The following CHM variants were observed in gnomAD, a reference collection of about 807,000 sequenced individuals.
CHM encodes the protein rab proteins geranylgeranyltransferase component A 1.
CHM carries 10 observed loss-of-function variants against 49.0 expected under a neutral mutation model. That is an observed-to-expected ratio of 0.20 (90% CI 0.13 to 0.35). The LOEUF is 0.35. CHM is among the 10% of genes least tolerant of loss of function. The probability of loss-of-function intolerance (pLI) is 1.00; values close to 1 mark genes in which losing one functional copy is unlikely to be tolerated. For synonymous variants in CHM, 184 were observed against 167.5 expected (o/e 1.10, Z -0.76); for missense variants, 455 against 478.4 (o/e 0.95, Z 0.46).
At chrX:85,981,945 A>T (rs1240816607) in intron 2 of CHM, 136 bp from the exon 3 acceptor site, 1 of 523,574 alleles carries the variant, frequency 1.9e-6, no homozygotes, top group African/African-American at 2.4e-5. Flanking sequence ...GTTCAAAAGT[A>T]CACATAATTG....
intron 3 of CHM, 86 bp downstream of exon 3, chrX:85,981,651 T>C (rs1032955176): frequency 1.6e-6 from 1 of 637,780 alleles, no homozygotes; most frequent in African/African-American, 2.3e-5. Flanking sequence ...GTGTTACAGG[T>C]GAAGCTTAGG....
intron 8 of CHM, among the ~76,000 whole-genome samples, chrX:85,941,613 A>G (rs748777717): frequency 1.4e-4 from 16 of 111,802 alleles, no homozygotes; most frequent in African/African-American, 3.9e-4. Context: ...AAGTTGGAAA[A>G]ACCTGCCACC....
intron 12 of CHM, among the ~76,000 whole-genome samples, chrX:85,881,389 G>T (rs1924749413): frequency 8.9e-6 from 1 of 112,267 alleles, no homozygotes; most frequent in Non-Finnish European, 1.9e-5. Flanking sequence ...AGAATATCTA[G>T]AGTTGACTGT....
intron 4 of CHM, among the ~76,000 whole-genome samples, chrX:85,976,494 C>T (rs959226099): frequency 9.1e-5 from 10 of 110,098 alleles, no homozygotes; most frequent in African/African-American, 3.0e-4. Flanking sequence ...TGGTGGCAGG[C>T]GCCTGCAGTC....
At chrX:85,911,164 T>TGTGTATATATATATATATATGA in intron 9 of CHM, 97 bp downstream of exon 9, 12 of 3,703 alleles carry the variant, frequency 3.2e-3, no homozygotes, top group Admixed American at 7.0e-3. Context: ...TATATATATG[T>TGTGTATATATATATATATATGA]ATATATATAT....
At position 85,990,386 on chromosome X, in the gene CHM, C is replaced by T. The variant is rs148982232; in HGVS notation, c.117-8577G>A. ...CAGAAAATATAACTTTTGGATACTG[C>T]GCTTAATACCTGGTTGCTGAGATAA... On this transcript the variant is annotated intron_variant, in intron 2 of 14. Transcript: ENST00000357749. 3.7e-3 allele frequency among the ~76,000 whole-genome samples: 410 copies of T among 111,467 alleles called. 2 individuals are homozygous for T. Among genetic ancestry groups the T allele is most frequent in the Non-Finnish European group, 5.9e-3 (314 of 52,944 alleles).
At chrX:85,921,030 C>T (rs1927763902) in intron 8 of CHM, among the ~76,000 whole-genome samples, 1 of 112,077 alleles carries the variant, frequency 8.9e-6, no homozygotes, top group Non-Finnish European at 1.9e-5. Flanking sequence ...AGTGCAAAAA[C>T]TCAAAGTATA....
At chrX:85,970,806 T>G (rs1410601601) in intron 4 of CHM, 2 of 305,500 alleles carry the variant, frequency 6.5e-6, no homozygotes, top group Admixed American at 9.2e-5. Flanking sequence ...GTCCAAAATA[T>G]TAAGTAGCCC....
intron 1 of CHM, among the ~76,000 whole-genome samples, chrX:86,030,685 A>G (rs1039622064): frequency 9.0e-6 from 1 of 111,187 alleles, no homozygotes; most frequent in Non-Finnish European, 1.9e-5. Flanking sequence ...CTCCCTCTGT[A>G]GAGGGAGTCA....
intron 8 of CHM, among the ~76,000 whole-genome samples, chrX:85,934,279 CTTTTTTTTT>C (rs769967072): frequency 1.4e-5 from 1 of 71,276 alleles, no homozygotes; most frequent in African/African-American, 5.6e-5. Flanking sequence ...TGCGCTCAGC[CTTTTTTTTT>C]TTTTTTTTTT....
Position 85,878,959 on chromosome X carries a change from T to A in CHM, c.1609+6A>T. 1 of 1,113,285 alleles carries A rather than the reference T, an allele frequency of 9.0e-7. No homozygotes were observed. The highest frequency in any genetic ancestry group is 1.2e-6 in the Non-Finnish European group (1 of 808,477). 91.7% of individuals were successfully genotyped at this position (1,113,285 alleles called of 1,213,427 possible). On this transcript the variant is annotated splice_donor_region_variant and intron_variant, in intron 13 of 14. Transcript: ENST00000357749. ...TCCATCATGAGTTATCAATTATTTT[T>A]CTTACCTATCTCCATTTCAGTATAT...
intron 12 of CHM, among the ~76,000 whole-genome samples, chrX:85,887,620 G>A (rs1301278199): frequency 9.0e-6 from 1 of 111,582 alleles, no homozygotes; most frequent in African/African-American, 3.3e-5. Flanking sequence ...GGGTTCAGAA[G>A]AAGACAGGAA....
intron 8 of CHM, among the ~76,000 whole-genome samples, chrX:85,941,284 G>A (rs1452225053): frequency 9.0e-6 from 1 of 111,535 alleles, no homozygotes; most frequent in Non-Finnish European, 1.9e-5. Flanking sequence ...TAGACCAGCA[G>A]CATGAGCAAC....
intron 1 of CHM, 87 bp from the exon 2 acceptor site, chrX:86,027,644 AAC>A: frequency 1.3e-6 from 1 of 769,938 alleles, no homozygotes; most frequent in Non-Finnish European, 2.0e-6. Context: ...TGCTGTATAG[AAC>A]AGTTTAACCA....
intron 12 of CHM, among the ~76,000 whole-genome samples, chrX:85,892,680 G>C (rs1364704522): frequency 9.0e-6 from 1 of 111,095 alleles, no homozygotes; most frequent in Non-Finnish European, 1.9e-5. Context: ...GGTCCTCTGA[G>C]CTACTTTTCC....
chrX:86,032,485 A>G (rs748484420), intron 1 of CHM, among the ~76,000 whole-genome samples: 2 of 107,047 alleles, frequency 1.9e-5, no homozygotes, highest in Admixed American at 1.0e-4. Flanking sequence ...TATTTGAAGG[A>G]AAAAAAAAAG....
chrX:85,868,430 C>G (rs1414498393), intron 14 of CHM, among the ~76,000 whole-genome samples: 1 of 111,308 alleles, frequency 9.0e-6, no homozygotes, highest in Non-Finnish European at 1.9e-5. Flanking sequence ...TAGAGACACG[C>G]AACCCCTGTA....
chrX:85,991,214 T>C (rs1932170978), intron 2 of CHM, among the ~76,000 whole-genome samples: 1 of 111,876 alleles, frequency 8.9e-6, no homozygotes, highest in South Asian at 3.7e-4. Flanking sequence ...TATTCTCTCA[T>C]AGATTCTTCT....
rs1475249135 is a variant in CHM at position 85,911,294 on chromosome X, A to G, written c.1211T>C (p.Val404Ala). 1 of 1,045,928 alleles carries G rather than the reference A, an allele frequency of 9.6e-7. No homozygotes were observed. The highest frequency in any genetic ancestry group is 1.3e-6 in the Non-Finnish European group (1 of 795,224). The allele number at this position is 1,045,928 out of a possible 1,213,427, so 86.2% of individuals were successfully genotyped here. ...TTCTTTGTCCACTACAAGGCACTGT[A>G]CTGAATGGCGAAGACAATAAATTCC... ...FGGIYCLRHS[V>A]QCLVVDKESR... The change falls in exon 9 of 15, where the codon GTA becomes GCA. Residue 404 changes from valine to alanine, a missense_variant. Transcript: ENST00000357749.
Sources: gnomAD v4.1 joint callset for allele counts (sites outside exome capture counted in the v4.1 genomes callset) on GRCh38, gnomAD v4.1.1 for gene constraint, MANE v1.5 for transcripts, NCBI Gene and HGNC (gene_info 2026-07-23, HGNC 2026-07-21) for gene names.